Variants in COL13A1 observed in about 807,000 individuals in gnomAD.
COL13A1 encodes the protein collagen type XIII alpha 1 chain.
A neutral mutation model predicts 130.9 loss-of-function variants in COL13A1; 89 were observed. The ratio of observed to expected loss-of-function variants is 0.68; its 90% CI spans 0.57 to 0.81. The LOEUF (loss-of-function observed/expected upper bound fraction) is 0.81, where lower values mean the gene tolerates loss of function less well. COL13A1 is among the 30% of genes least tolerant of loss of function. The pLI is 0.00. For missense variants in COL13A1, 879 were observed against 934.6 expected (o/e 0.94, Z 0.78); for synonymous variants, 402 against 341.6 (o/e 1.18, Z -1.95).
chr10:69,880,590 G>T (rs757686662), intron 7 of COL13A1, 37 bp downstream of exon 7: 2 of 1,609,174 alleles, frequency 1.2e-6, no homozygotes, highest in Non-Finnish European at 1.7e-6. Flanking sequence ...GTGTTGGGGG[G>T]ATGGGTGAGT....
At chr10:69,949,961 TGTGC>T (rs1348567058) in intron 38 of COL13A1, among the ~76,000 whole-genome samples, 6 of 148,802 alleles carry the variant, frequency 4.0e-5, no homozygotes, top group African/African-American at 1.5e-4. Flanking sequence ...TGTGTTTGTG[TGTGC>T]GTGTGTGTGT....
intron 17 of COL13A1, among the ~76,000 whole-genome samples, chr10:69,914,897 G>A (rs1360361750): frequency 6.6e-6 from 1 of 152,200 alleles, no homozygotes; most frequent in Non-Finnish European, 1.5e-5. Flanking sequence ...TGCGCTGAGC[G>A]GCCCCCACAC....
chr10:69,896,548 G>A (rs924262576), intron 13 of COL13A1, among the ~76,000 whole-genome samples: 2 of 152,206 alleles, frequency 1.3e-5, no homozygotes, highest in African/African-American at 2.4e-5. Flanking sequence ...GGTCCGGGTG[G>A]TGCGATTTTG....
chr10:69,947,389 T>G (rs1384405862), intron 38 of COL13A1, 47 bp downstream of exon 38: 23 of 1,546,390 alleles, frequency 1.5e-5, no homozygotes, highest in Non-Finnish European at 1.9e-5. Flanking sequence ...AATGTCTTCA[T>G]GATGGGGTGG....
intron 9 of COL13A1, among the ~76,000 whole-genome samples, chr10:69,888,979 C>T (rs952628539): frequency 7.9e-5 from 12 of 152,202 alleles, no homozygotes; most frequent in African/African-American, 2.4e-4. Flanking sequence ...TGCCTGGCCC[C>T]GCCACTCGCC....
chr10:69,870,383 G>A (rs1245659861), intron 3 of COL13A1, among the ~76,000 whole-genome samples: 2 of 151,690 alleles, frequency 1.3e-5, no homozygotes, highest in Non-Finnish European at 2.9e-5. Context: ...TGCGATCAAA[G>A]CTCACTGAAG....
chr10:69,923,646 A>C (rs1475727165), intron 23 of COL13A1, among the ~76,000 whole-genome samples, 156 bp from the exon 24 acceptor site: 2 of 152,150 alleles, frequency 1.3e-5, no homozygotes, highest in African/African-American at 4.8e-5. Context: ...CATGGGTAGG[A>C]GTCAGGGAGG....
At chr10:69,870,607 A>C (rs1200940276) in intron 3 of COL13A1, among the ~76,000 whole-genome samples, 1 of 151,740 alleles carries the variant, frequency 6.6e-6, no homozygotes. Flanking sequence ...CTTACATTTT[A>C]AGGAAGAAAT....
At chr10:69,942,494 G>A (rs969777309) in intron 35 of COL13A1, among the ~76,000 whole-genome samples, 8 of 152,134 alleles carry the variant, frequency 5.3e-5, no homozygotes, top group East Asian at 1.9e-4. Flanking sequence ...ATGTTAGACC[G>A]AGGGAAGCAG....
At chr10:69,841,386 G>C (rs972893180) in intron 2 of COL13A1, among the ~76,000 whole-genome samples, 2 of 152,102 alleles carry the variant, frequency 1.3e-5, no homozygotes, top group South Asian at 4.1e-4. Flanking sequence ...TTTCACATCT[G>C]TCTCCCCTCT....
chr10:69,867,872 T>C (rs1039979058), intron 3 of COL13A1, 67 bp downstream of exon 3: 5 of 716,930 alleles, frequency 7.0e-6, no homozygotes, highest in African/African-American at 5.2e-5. Flanking sequence ...AACGGGGTTC[T>C]GGGTGGGGGC....
At chr10:69,843,065 C>T (rs540061590) in intron 2 of COL13A1, among the ~76,000 whole-genome samples, 1 of 152,296 alleles carries the variant, frequency 6.6e-6, no homozygotes, top group South Asian at 2.1e-4. Flanking sequence ...ATCATGGCTC[C>T]TAGGCTGTCA....
intron 1 of COL13A1, among the ~76,000 whole-genome samples, chr10:69,806,821 A>G (rs959835129): frequency 6.6e-6 from 1 of 152,228 alleles, no homozygotes; most frequent in Non-Finnish European, 1.5e-5. Flanking sequence ...AGCCTGACCA[A>G]CATGGTGAAA....
At chr10:69,875,202 C>G in intron 5 of COL13A1, 39 bp downstream of exon 5, 1 of 1,613,296 alleles carries the variant, frequency 6.2e-7, no homozygotes, top group Non-Finnish European at 8.5e-7. Context: ...GTGGCCATTG[C>G]TTGCTTCTCC....
Position 69,872,170 on chromosome 10 carries a change from ACT to A in COL13A1, c.373-11_373-10del, listed in dbSNP as rs747565470. The A allele has an allele frequency of 1.1e-4, 172 of 1,613,824 alleles. No individual in the cohort carries two copies. Among genetic ancestry groups the A allele is most frequent in the Non-Finnish European group, 1.4e-4 (165 of 1,179,880 alleles). The stretch of plus-strand genomic sequence containing the variant: ...TACCTGCCTGACCTACGTAAACGTC[ACT>A]CTTCATTTCAGGGTCCCACTGGAAG... On this transcript the variant is annotated splice_polypyrimidine_tract_variant and intron_variant, in intron 3 of 40. Coordinates refer to ENST00000645393, the MANE Select transcript of COL13A1 (RefSeq NM_001368882.1).
At chr10:69,825,304 G>T (rs1363659637) in intron 2 of COL13A1, among the ~76,000 whole-genome samples, 2 of 152,156 alleles carry the variant, frequency 1.3e-5, no homozygotes, top group African/African-American at 4.8e-5. Flanking sequence ...ATCTCCTGAG[G>T]GTCGGAGTTT....
At chr10:69,888,718 G>A (rs1289915716) in intron 9 of COL13A1, among the ~76,000 whole-genome samples, 1 of 152,096 alleles carries the variant, frequency 6.6e-6, no homozygotes, top group African/African-American at 2.4e-5. Context: ...TGTCTCCCAT[G>A]GCCCTGTCCT....
intron 21 of COL13A1, 27 bp downstream of exon 21, chr10:69,919,754 G>T: frequency 2.5e-6 from 1 of 398,688 alleles, no homozygotes; most frequent in Admixed American, 4.4e-5. Flanking sequence ...TTGAGTGTGT[G>T]CCCCTTCATC....
chr10:69,883,787 G>A (rs1283063272), intron 7 of COL13A1, among the ~76,000 whole-genome samples: 6 of 152,194 alleles, frequency 3.9e-5, no homozygotes, highest in African/African-American at 7.2e-5. Context: ...TTAGGCTGAC[G>A]TGGGACATGA....
Sources: gnomAD v4.1 joint callset for allele counts (sites outside exome capture counted in the v4.1 genomes callset) on GRCh38, gnomAD v4.1.1 for gene constraint, MANE v1.5 for transcripts, NCBI Gene and HGNC (gene_info 2026-07-23, HGNC 2026-07-21) for gene names.